The following MED26 variants were observed in gnomAD, a reference collection of about 807,000 sequenced individuals.
MED26 encodes the protein mediator of RNA polymerase II transcription subunit 26.
A neutral mutation model predicts 43.7 loss-of-function variants in MED26; 7 were observed. That is an observed-to-expected ratio of 0.16 (90% CI 0.09 to 0.30). The LOEUF (loss-of-function observed/expected upper bound fraction) is 0.30, where lower values mean the gene tolerates loss of function less well. Among genes scored for constraint, MED26 ranks in the 10% least tolerant of loss-of-function variants. MED26 has a pLI of 1.00. For missense variants in MED26, 784 were observed against 840.6 expected, an observed-to-expected ratio of 0.93 and a Z score of 0.83; for synonymous variants, 375 against 371.1, an observed-to-expected ratio of 1.01 and a Z score of -0.12.
chr19:16,609,567 T>C (rs77526007), intron 1 of MED26, among the ~76,000 whole-genome samples: 7,881 of 151,810 alleles, frequency 0.052, 288 homozygotes, highest in South Asian at 0.065. Context: ...ATGGATTTCT[T>C]TTCTTTTTCC....
chr19:16,608,421 G>A (rs1308761546), intron 1 of MED26, among the ~76,000 whole-genome samples: 3 of 152,220 alleles, frequency 2.0e-5, no homozygotes, highest in Non-Finnish European at 4.4e-5. Context: ...GACATGGTGT[G>A]CTACTGAGTC....
intron 1 of MED26, among the ~76,000 whole-genome samples, 166 bp downstream of exon 1, chr19:16,627,706 G>A (rs908260372): frequency 3.3e-5 from 5 of 152,220 alleles, no homozygotes; most frequent in Non-Finnish European, 7.3e-5. Context: ...TGCCCGACCT[G>A]CCCCCGGCCC....
At chr19:16,608,278 T>C (rs1473786067) in intron 1 of MED26, among the ~76,000 whole-genome samples, 1 of 152,232 alleles carries the variant, frequency 6.6e-6, no homozygotes, top group African/African-American at 2.4e-5. Flanking sequence ...AAGCTTACAA[T>C]AAGTTGTGAT....
intron 1 of MED26, among the ~76,000 whole-genome samples, chr19:16,602,165 C>G (rs1403939267): frequency 6.6e-6 from 1 of 152,206 alleles, no homozygotes; most frequent in Admixed American, 6.5e-5. Context: ...AGACTTTTGG[C>G]AGATCACGCT....
At chr19:16,613,648 T>C (rs1417392962) in intron 1 of MED26, among the ~76,000 whole-genome samples, 2 of 152,228 alleles carry the variant, frequency 1.3e-5, no homozygotes, top group East Asian at 3.8e-4. Context: ...GGCTCACAGC[T>C]GTGCAGTGCC....
rs2085998720 is a variant in MED26, at chr19:16,576,257, C to A, written c.1573G>T (p.Ala525Ser). Residue 525 changes from alanine (A) to serine (S), a missense_variant, in exon 3 of 3, where the codon GCC becomes TCC. Around this residue, in one of 3 missense-constraint regions of MED26, gnomAD observed 719 missense variants for 730.9 expected, o/e 0.98. Transcript: ENST00000263390. The surrounding 1 kb of genome is among the most constrained non-coding windows in gnomAD (Gnocchi z 6.8). ...LKQEESTRQG[A>S]RQLHVLVPQS... ...GGCACCAGCACATGCAGCTGCCTGG[C>A]CCCTTGCCGGGTGCTCTCCTCCTGC... The A allele has an allele frequency of 6.8e-6, 11 of 1,611,214 alleles. No individual in the cohort carries two copies. Among genetic ancestry groups the A allele is most frequent in the Non-Finnish European group, 9.3e-6 (11 of 1,180,002 alleles).
Position 16,584,827 on chromosome 19 carries a change from T to C in MED26, c.73-6418A>G, listed in dbSNP as rs28479925. Among the ~76,000 whole-genome samples, 304 of 152,364 alleles carry C rather than the reference T, an allele frequency of 2.0e-3. 1 individual carries two copies. The highest frequency in any genetic ancestry group is 6.8e-3 in the African/African-American group (283 of 41,572). On this transcript the variant is annotated intron_variant, in intron 1 of 2. Transcript: ENST00000263390. ...CTTTCTCTACTTTTATGCTTGAAAT[T>C]TCTCACAAATAAAGATGAGAAAATA...
At chr19:16,592,936 A>G (rs1363615598) in intron 1 of MED26, among the ~76,000 whole-genome samples, 1 of 152,212 alleles carries the variant, frequency 6.6e-6, no homozygotes, top group African/African-American at 2.4e-5. Context: ...AACGAAAATA[A>G]CAAGTTGCAC....
intron 1 of MED26, chr19:16,624,593 T>C (rs958995278): frequency 6.6e-6 from 1 of 152,260 alleles, no homozygotes; most frequent in African/African-American, 2.4e-5. Flanking sequence ...CTACTATTCG[T>C]CGGACCTTTC....
In MED26 at chr19:16,577,155, G is replaced by A. The variant is rs755854307; in HGVS notation, c.675C>T (p.Ala225=). 2.3e-5 allele frequency: 37 copies of A among 1,613,184 alleles called. No homozygotes were observed. The highest frequency in any genetic ancestry group is 8.8e-5 in the South Asian group (8 of 91,092). ...DKHSGKIPVN[A]VRPHTSSPGL... is the part of the protein sequence containing the mutation. ...CCGGGGAGCTGGTGTGCGGTCGCAC[G>A]GCGTTGACGGGGATCTTGCCACTGT... is the stretch of plus-strand genomic sequence containing the variant. Residue 225 remains alanine, a synonymous_variant, in exon 3 of 3, where the codon GCC becomes GCT. Transcript: ENST00000263390. The surrounding 1 kb of genome is among the most constrained non-coding windows in gnomAD (Gnocchi z 8.1).
At chr19:16,589,163 G>C (rs937240651) in intron 1 of MED26, 6 of 152,222 alleles carry the variant, frequency 3.9e-5, no homozygotes, top group Admixed American at 3.9e-4. Flanking sequence ...GGACAGGAGT[G>C]GGCACAGGGG....
In MED26 at chr19:16,576,660, G is replaced by C. The variant is rs781420721; in HGVS notation, c.1170C>G (p.Asp390Glu). 1 of 1,614,108 alleles carries C rather than the reference G, an allele frequency of 6.2e-7. No individual in the cohort carries two copies. The highest frequency in any genetic ancestry group is 1.1e-5 in the South Asian group (1 of 91,084). ...GTCGGTACCTCTTCTTCTTTTTACTGTCCGAGCCCCCTGAGGAGGCAGCAT... is the reference window on the plus strand; with the variant it reads ...GTCGGTACCTCTTCTTCTTTTTACTCTCCGAGCCCCCTGAGGAGGCAGCAT... The part of the protein sequence containing the change: ...DSDAASSGGS[D>E]SKKKKRYRPR... Residue 390 changes from aspartate to glutamate, a missense_variant, in exon 3 of 3, where the codon GAC (aspartate) becomes GAG (glutamate). Asp to Glu is a conservative substitution (Grantham distance 45). Coordinates refer to ENST00000263390, the MANE Select transcript of MED26 (RefSeq NM_004831.5). This position sits in a 1 kb window ranked among gnomAD's most constrained non-coding sequence, Gnocchi z 6.8.
At chr19:16,601,191 C>T (rs1320014552) in intron 1 of MED26, among the ~76,000 whole-genome samples, 5 of 150,636 alleles carry the variant, frequency 3.3e-5, no homozygotes, top group African/African-American at 7.4e-5. Context: ...GAGTTTCACT[C>T]GTTTCCCAGG....
chr19:16,602,817 C>T (rs1172637527), intron 1 of MED26, among the ~76,000 whole-genome samples: 1 of 152,052 alleles, frequency 6.6e-6, no homozygotes, highest in Non-Finnish European at 1.5e-5. Flanking sequence ...ACAGTACGTG[C>T]GCCCAGGGCT....
At chr19:16,606,991 G>A (rs138650317) in intron 1 of MED26, among the ~76,000 whole-genome samples, 77 of 152,170 alleles carry the variant, frequency 5.1e-4, no homozygotes, top group African/African-American at 1.7e-3. Flanking sequence ...CCAAAGTGTC[G>A]GGATTACAAG....
At chr19:16,585,763 T>C (rs117093103) in intron 1 of MED26, among the ~76,000 whole-genome samples, 5,243 of 152,314 alleles carry the variant, frequency 0.034, 109 homozygotes, top group Non-Finnish European at 0.05. Flanking sequence ...TGGAATCACC[T>C]TTCAAACCAA....
At chr19:16,617,064 C>T (rs578054449) in intron 1 of MED26, among the ~76,000 whole-genome samples, 8 of 152,134 alleles carry the variant, frequency 5.3e-5, no homozygotes, top group African/African-American at 1.4e-4. Context: ...GATAGGAAAC[C>T]GTGTTCACAG....
chr19:16,610,660 G>A (rs890299134), intron 1 of MED26: 1 of 152,078 alleles, frequency 6.6e-6, no homozygotes, highest in Admixed American at 6.5e-5. Context: ...CAAAGTGCTG[G>A]GATTACAGGT....
At chr19:16,620,383 C>A (rs1046243123) in intron 1 of MED26, among the ~76,000 whole-genome samples, 1 of 152,198 alleles carries the variant, frequency 6.6e-6, no homozygotes, top group African/African-American at 2.4e-5. Context: ...TAATCTACAC[C>A]TGCTATGAAG....
Sources: gnomAD v4.1 joint callset for allele counts (sites outside exome capture counted in the v4.1 genomes callset) on GRCh38, gnomAD v4.1.1 for gene constraint, gnomAD v4.1.1 regional missense constraint, Gnocchi (gnomAD v3.1) non-coding constraint, MANE v1.5 for transcripts, NCBI Gene and HGNC (gene_info 2026-07-23, HGNC 2026-07-21) for gene names.